Variants in PIWIL4 observed in about 807,000 individuals in gnomAD.
PIWIL4 encodes the protein piwi-like protein 4.
In PIWIL4, 50 loss-of-function variants were observed where a neutral mutation model predicts 100.9. The observed-to-expected ratio is 0.50, with a 90% CI of 0.39 to 0.63. PIWIL4 has a LOEUF of 0.63. PIWIL4 is among the 20% of genes least tolerant of loss of function. PIWIL4 has a pLI of 0.00. For missense variants in PIWIL4, 887 were observed against 1,043.3 expected (o/e 0.85, Z 2.06); for synonymous variants, 342 against 367.5 (o/e 0.93, Z 0.79).
intron 2 of PIWIL4, among the ~76,000 whole-genome samples, chr11:94,570,941 C>G (rs1948143473): frequency 6.6e-6 from 1 of 152,122 alleles, no homozygotes; most frequent in African/African-American, 2.4e-5. Flanking sequence ...TTAGTCATCT[C>G]TTTTGTTCTG....
intron 4 of PIWIL4, among the ~76,000 whole-genome samples, chr11:94,582,597 A>T (rs982785461): frequency 6.6e-6 from 1 of 152,170 alleles, no homozygotes; most frequent in African/African-American, 2.4e-5. Flanking sequence ...ATTGATATTT[A>T]TTGACTGATT....
rs374539955 is a variant in PIWIL4, at chr11:94,583,579, T to C, written c.635+10T>C. On this transcript the variant is annotated intron_variant, in intron 5 of 19. Transcript: ENST00000299001. Reference sequence around the variant, plus strand: ...ATATCATCTTCAGAAAGTAAGGCACTGGAAATGTGAATTTAATTTGGGCTA... The same window carrying C: ...ATATCATCTTCAGAAAGTAAGGCACCGGAAATGTGAATTTAATTTGGGCTA... 1.1e-5 allele frequency: 18 copies of C among 1,613,608 alleles called. No individual in the cohort carries two copies. Among genetic ancestry groups the C allele is most frequent in the Non-Finnish European group, 1.4e-5 (17 of 1,179,732 alleles).
chr11:94,575,390 A>G (rs1948223883), intron 3 of PIWIL4, among the ~76,000 whole-genome samples: 1 of 152,182 alleles, frequency 6.6e-6, no homozygotes, highest in South Asian at 2.1e-4. Context: ...GGAGTTAAAA[A>G]GATGTTTCTT....
At chr11:94,589,086 TA>T in intron 7 of PIWIL4, 34 bp from the exon 8 acceptor site, 1 of 1,512,548 alleles carries the variant, frequency 6.6e-7, no homozygotes. Context: ...GTTAGATGAT[TA>T]AAAAACAATT....
At chr11:94,604,161 GC>G in intron 13 of PIWIL4, 105 bp downstream of exon 13, 1 of 580,946 alleles carries the variant, frequency 1.7e-6, no homozygotes, top group African/African-American at 2.0e-5. Flanking sequence ...AAATTGCCAT[GC>G]ATTTCTCCAA....
chr11:94,604,135 C>T, intron 13 of PIWIL4, 79 bp downstream of exon 13: 1 of 815,120 alleles, frequency 1.2e-6, no homozygotes, highest in Non-Finnish European at 1.9e-6. Flanking sequence ...AACATACCCT[C>T]CCATGATATA....
At chr11:94,598,052 A>G (rs1032475638) in intron 11 of PIWIL4, 137 bp downstream of exon 11, 27 of 637,918 alleles carry the variant, frequency 4.2e-5, no homozygotes, top group Non-Finnish European at 7.3e-5. Context: ...CTAAGACTTC[A>G]GATCCCCTGT....
chr11:94,577,916 A>C (rs1356459231), intron 4 of PIWIL4, among the ~76,000 whole-genome samples: 1 of 152,206 alleles, frequency 6.6e-6, no homozygotes, highest in Non-Finnish European at 1.5e-5. Flanking sequence ...TTGTTTGTTG[A>C]GAAGAATGAG....
At chr11:94,600,757 A>G (rs904847183) in intron 11 of PIWIL4, among the ~76,000 whole-genome samples, 8 of 152,132 alleles carry the variant, frequency 5.3e-5, no homozygotes, top group Non-Finnish European at 1.0e-4. Context: ...AGACCATAAA[A>G]GACAGCCACG....
intron 17 of PIWIL4, 80 bp downstream of exon 17, chr11:94,618,187 C>A (rs1416188362): frequency 2.1e-6 from 3 of 1,397,764 alleles, no homozygotes; most frequent in African/African-American, 2.9e-5. Context: ...GGTATTCAAG[C>A]ATAAGTTTTG....
Position 94,619,806 on chromosome 11 carries a change from T to C in PIWIL4, c.2215T>C (p.Phe739Leu). 2 of 1,614,216 alleles carry C rather than the reference T, an allele frequency of 1.2e-6. No individual in the cohort carries two copies. The highest frequency in any genetic ancestry group is 2.2e-5 in the South Asian group (2 of 91,088). Residue 739 changes from phenylalanine (F) to leucine (L), a missense_variant, in exon 18 of 20, where the codon TTC becomes CTC. Phe to Leu is a conservative substitution (Grantham distance 22). Coordinates refer to ENST00000299001, the MANE Select transcript of PIWIL4 (RefSeq NM_152431.3). ...GGTCAGGAAGAAGTGCATGCCACGA[T>C]TCTTTACCGAAATGAACCGCACTGT... ...IVVRKKCMPRFFTEMNRTVQN... is the reference protein window; with the variant it reads ...IVVRKKCMPRLFTEMNRTVQN...
At chr11:94,594,890 G>T (rs1324065324) in intron 9 of PIWIL4, among the ~76,000 whole-genome samples, 1 of 152,160 alleles carries the variant, frequency 6.6e-6, no homozygotes, top group African/African-American at 2.4e-5. Flanking sequence ...ACCCAATACA[G>T]TAGCCAGTAG....
intron 2 of PIWIL4, among the ~76,000 whole-genome samples, chr11:94,573,729 G>A (rs1327906596): frequency 1.3e-5 from 2 of 152,010 alleles, no homozygotes; most frequent in African/African-American, 2.4e-5. Context: ...AGGGAAAATT[G>A]GAGTTTTATT....
At chr11:94,594,741 A>T (rs1194253658) in intron 9 of PIWIL4, among the ~76,000 whole-genome samples, 1 of 152,090 alleles carries the variant, frequency 6.6e-6, no homozygotes, top group Non-Finnish European at 1.5e-5. Flanking sequence ...CATGTTGGTC[A>T]GGCTGGTCTC....
At chr11:94,612,483 C>CT (rs1317500617) in intron 15 of PIWIL4, among the ~76,000 whole-genome samples, 1 of 151,944 alleles carries the variant, frequency 6.6e-6, no homozygotes, top group African/African-American at 2.4e-5. Flanking sequence ...GTTAGGTTTT[C>CT]TTTTTTATCC....
intron 15 of PIWIL4, among the ~76,000 whole-genome samples, chr11:94,613,397 A>G (rs565570895): frequency 3.9e-4 from 59 of 152,050 alleles, no homozygotes; most frequent in African/African-American, 1.4e-3. Context: ...TCTGTCTTTG[A>G]TTTTTGACAG....
chr11:94,603,646 C>T (rs1320911865), intron 12 of PIWIL4, among the ~76,000 whole-genome samples: 2 of 152,176 alleles, frequency 1.3e-5, no homozygotes, highest in African/African-American at 4.8e-5. Context: ...CTTGAACACT[C>T]TTTCAGACAT....
rs918345796 is a variant in PIWIL4, at chr11:94,616,427, T to A, written c.1944-66T>A. The A allele has an allele frequency of 9.4e-6, 12 of 1,282,512 alleles. No individual in the cohort carries two copies. In the East Asian group the frequency reaches 2.8e-4, roughly 30 times the overall value. 79.4% of individuals were successfully genotyped at this position (1,282,512 alleles called of 1,614,324 possible). On this transcript the variant is annotated intron_variant, in intron 15 of 19. Transcript: ENST00000299001. Reference sequence around the variant, plus strand: ...ATAATCTCTGTTTCTTAATTTAATATTAATGAATATTTATGGTAGAAAAAT... The same window carrying A: ...ATAATCTCTGTTTCTTAATTTAATAATAATGAATATTTATGGTAGAAAAAT...
At chr11:94,589,063 A>T in intron 7 of PIWIL4, 58 bp from the exon 8 acceptor site, 1 of 1,221,180 alleles carries the variant, frequency 8.2e-7, no homozygotes. Context: ...AGTGTGGTGA[A>T]GTAGCTGCTT....
Sources: allele counts gnomAD v4.1 joint callset (sites outside exome capture counted in the v4.1 genomes callset), GRCh38; gene constraint gnomAD v4.1.1; transcripts MANE v1.5; gene names NCBI Gene and HGNC (gene_info 2026-07-23, HGNC 2026-07-21).